The following THSD4 variants were observed in gnomAD, a reference collection of about 807,000 sequenced individuals.
THSD4 encodes the protein thrombospondin type-1 domain-containing protein 4.
THSD4 carries 69 observed loss-of-function variants against 119.0 expected under a neutral mutation model. That is an observed-to-expected ratio of 0.58 (90% CI 0.48 to 0.71). THSD4 has a LOEUF of 0.71. THSD4 is among the 30% of genes least tolerant of loss of function. The pLI is 0.00. For synonymous variants in THSD4, 524 were observed against 540.4 expected, an observed-to-expected ratio of 0.97 and a Z score of 0.42; for missense variants, 1,393 against 1,391.1, an observed-to-expected ratio of 1.00 and a Z score of -0.02.
intron 3 of THSD4, chr15:71,186,436 C>T (rs1341741072): frequency 1.3e-5 from 2 of 152,214 alleles, no homozygotes; most frequent in Non-Finnish European, 2.9e-5. Context: ...CTCCTTGCCC[C>T]TCAAGTGGCA....
At chr15:71,261,636 T>A (rs73433474) in intron 6 of THSD4, among the ~76,000 whole-genome samples, 3,189 of 152,094 alleles carry the variant, frequency 0.021, 121 homozygotes, top group African/African-American at 0.073. Context: ...AACCCTATGG[T>A]AGGGGACCCA....
intron 6 of THSD4, among the ~76,000 whole-genome samples, chr15:71,327,004 C>T (rs2045354428): frequency 6.6e-6 from 1 of 151,440 alleles, no homozygotes; most frequent in South Asian, 2.1e-4. Context: ...CTTGTCTCTA[C>T]TAAAATACAA....
At chr15:71,295,564 G>T (rs746521965) in intron 6 of THSD4, among the ~76,000 whole-genome samples, 8 of 152,090 alleles carry the variant, frequency 5.3e-5, no homozygotes, top group Non-Finnish European at 7.4e-5. Context: ...CTCACTTTGT[G>T]ACTCTGGGTG....
At chr15:71,409,333 A>G (rs1185303474) in intron 6 of THSD4, among the ~76,000 whole-genome samples, 2 of 152,202 alleles carry the variant, frequency 1.3e-5, no homozygotes, top group Non-Finnish European at 2.9e-5. Flanking sequence ...ATTACTTACA[A>G]TGCAATGCAC....
chr15:71,281,680 T>C (rs1384938849), intron 6 of THSD4, among the ~76,000 whole-genome samples: 2 of 152,216 alleles, frequency 1.3e-5, no homozygotes, highest in Admixed American at 6.5e-5. Flanking sequence ...TCTGGATATA[T>C]GTATTGTGTT....
chr15:71,660,642 T>A lies in THSD4; in HGVS notation c.1265T>A (p.Leu422His). The change falls in exon 8 of 18, where the codon CTC (leucine) becomes CAC (histidine). Residue 422 changes from leucine (L) to histidine (H), a missense_variant. By Grantham distance (99) the Leu-to-His change is moderately conservative. Coordinates refer to ENST00000261862, the MANE Select transcript of THSD4 (RefSeq NM_024817.3). ...QVVSGVFKHA[L>H]TSLGYHRVVE... is the part of the protein sequence containing the mutation. ...GTGTCGGGCGTGTTTAAGCATGCCC[T>A]CACCAGCCTGGGCTACCACCGCGTC... is the stretch of plus-strand genomic sequence containing the variant. 1.2e-6 allele frequency: 2 copies of A among 1,614,198 alleles called. No individual in the cohort carries two copies. Among genetic ancestry groups the A allele is most frequent in the Non-Finnish European group, 1.7e-6 (2 of 1,180,024 alleles).
At chr15:71,725,456 G>A in intron 8 of THSD4, among the ~76,000 whole-genome samples, 1 of 152,306 alleles carries the variant, frequency 6.6e-6, no homozygotes, top group South Asian at 2.1e-4. Context: ...GCCCAAAGCA[G>A]GTCTACTCTT....
Position 71,751,078 on chromosome 15 carries a change from C to G in THSD4, c.2415+2484C>G, listed in dbSNP as rs575078130. On this transcript the variant is annotated intron_variant, in intron 14 of 17. Coordinates refer to ENST00000261862, the MANE Select transcript of THSD4 (RefSeq NM_024817.3). ...TTACAGTTAACCAAAGTGTTTCTTACTAAGTCCCACTGTCCTTTAGAAAAG... is the reference window on the plus strand; with the variant it reads ...TTACAGTTAACCAAAGTGTTTCTTAGTAAGTCCCACTGTCCTTTAGAAAAG... Among the ~76,000 whole-genome samples the G allele has an allele frequency of 3.3e-5, 5 of 152,352 alleles. No individual in the cohort carries two copies. In the South Asian group the frequency reaches 1.0e-3, roughly 32 times the overall value.
chr15:71,745,861 T>A (rs1000576418), intron 12 of THSD4, among the ~76,000 whole-genome samples: 1 of 152,190 alleles, frequency 6.6e-6, no homozygotes, highest in African/African-American at 2.4e-5. Context: ...GCCAGGCTGG[T>A]CTTGAACTCC....
intron 7 of THSD4, among the ~76,000 whole-genome samples, chr15:71,456,367 C>G (rs1330561062): frequency 5.9e-5 from 9 of 152,108 alleles, no homozygotes; most frequent in Admixed American, 5.2e-4. Flanking sequence ...AAATTTTGGT[C>G]AGATGGTGAA....
intron 11 of THSD4, among the ~76,000 whole-genome samples, chr15:71,739,310 G>A (rs144687923): frequency 3.5e-4 from 53 of 152,234 alleles, no homozygotes; most frequent in African/African-American, 4.8e-4. Flanking sequence ...TCCACACACC[G>A]GAGGAAGCAT....
intron 7 of THSD4, among the ~76,000 whole-genome samples, chr15:71,642,356 T>G (rs989087840): frequency 1.4e-4 from 21 of 152,188 alleles, no homozygotes; most frequent in Admixed American, 9.8e-4. Context: ...TTGGTGGGAC[T>G]GTAAACTAGT....
At chr15:71,554,727 CTTTT>C (rs34568649) in intron 7 of THSD4, among the ~76,000 whole-genome samples, 52,024 of 148,546 alleles carry the variant, frequency 0.35, 10,354 homozygotes, top group South Asian at 0.48. Context: ...AAAAAGTTAC[CTTTT>C]TTTTTTTTTT....
At chr15:71,480,606 C>T (rs1338844658) in intron 7 of THSD4, among the ~76,000 whole-genome samples, 1 of 152,182 alleles carries the variant, frequency 6.6e-6, no homozygotes, top group African/African-American at 2.4e-5. Flanking sequence ...TGAGGTGGAG[C>T]GGGCTCTGCT....
chr15:71,495,883 TAG>T (rs2048008543), intron 7 of THSD4, among the ~76,000 whole-genome samples: 1 of 152,194 alleles, frequency 6.6e-6, no homozygotes. Context: ...AAGCCCATGG[TAG>T]AGTCACTAGA....
intron 7 of THSD4, among the ~76,000 whole-genome samples, chr15:71,476,296 A>G (rs534979487): frequency 2.2e-4 from 33 of 152,288 alleles, no homozygotes; most frequent in Admixed American, 9.8e-4. Flanking sequence ...CAGTGGCACA[A>G]TCTTGGCTCA....
intron 6 of THSD4, among the ~76,000 whole-genome samples, chr15:71,323,244 T>A (rs547332614): frequency 6.6e-6 from 1 of 152,056 alleles, no homozygotes; most frequent in South Asian, 2.1e-4. Context: ...AAAGCATGGA[T>A]ACTAGAAGGC....
chr15:71,256,818 G>T, intron 6 of THSD4, 103 bp downstream of exon 6: 1 of 1,031,808 alleles, frequency 9.7e-7, no homozygotes, highest in Non-Finnish European at 1.4e-6. Flanking sequence ...TCCTGGCTGG[G>T]GTGTCAATAG....
chr15:71,729,181 C>T (rs2141130674), intron 9 of THSD4: 2 of 165,578 alleles, frequency 1.2e-5, no homozygotes, highest in South Asian at 3.2e-4. Context: ...AGGAGAGCTC[C>T]AGAGCCCTCC....
Sources: gnomAD v4.1 joint callset for allele counts (sites outside exome capture counted in the v4.1 genomes callset) on GRCh38, gnomAD v4.1.1 for gene constraint, MANE v1.5 for transcripts, NCBI Gene and HGNC (gene_info 2026-07-23, HGNC 2026-07-21) for gene names.